COMMD1: variants seen among roughly 807,000 people sequenced by gnomAD.
COMMD1 encodes the protein COMM domain-containing protein 1.
In COMMD1, 10 loss-of-function variants were observed where a neutral mutation model predicts 17.2. The ratio of observed to expected loss-of-function variants is 0.58; its 90% CI spans 0.36 to 0.99. The LOEUF (loss-of-function observed/expected upper bound fraction) is 0.99. Ranked by LOEUF, COMMD1 falls within the 50% of genes least tolerant of loss-of-function variation. COMMD1 has a pLI of 0.01. For synonymous variants in COMMD1, 97 were observed against 91.6 expected (o/e 1.06, Z -0.34); for missense variants, 270 against 231.8 (o/e 1.17, Z -1.07).
chr2:62,123,522 GAAA>G (rs200376990), intron 2 of COMMD1, among the ~76,000 whole-genome samples: 1 of 117,482 alleles, frequency 8.5e-6, no homozygotes, highest in Non-Finnish European at 1.9e-5. Flanking sequence ...TAAAAAAAAA[GAAA>G]AAAAAAAACA....
At chr2:61,927,370 T>G (rs1486781087) in intron 1 of COMMD1, among the ~76,000 whole-genome samples, 3 of 152,196 alleles carry the variant, frequency 2.0e-5, no homozygotes, top group Non-Finnish European at 4.4e-5. Context: ...ATGTGAACTT[T>G]AGCATGGGTG....
chr2:61,909,817 C>T (rs948804794), intron 1 of COMMD1, among the ~76,000 whole-genome samples: 6 of 152,202 alleles, frequency 3.9e-5, no homozygotes, highest in African/African-American at 1.4e-4. Context: ...ACAGCGGACA[C>T]ACGTGTTAAC....
At chr2:61,912,806 T>C (rs1669943728) in intron 1 of COMMD1, among the ~76,000 whole-genome samples, 1 of 152,090 alleles carries the variant, frequency 6.6e-6, no homozygotes, top group African/African-American at 2.4e-5. Context: ...CTGTAGTAGC[T>C]TTAGCCACTC....
chr2:62,045,327 T>C (rs1440913564), intron 2 of COMMD1, among the ~76,000 whole-genome samples: 2 of 152,164 alleles, frequency 1.3e-5, no homozygotes, highest in African/African-American at 4.8e-5. Context: ...ATAGTAGTGA[T>C]GTTATCTGTA....
At chr2:62,085,840 G>A (rs1459572626) in intron 2 of COMMD1, among the ~76,000 whole-genome samples, 2 of 151,976 alleles carry the variant, frequency 1.3e-5, no homozygotes, top group Non-Finnish European at 2.9e-5. Context: ...AATTAGCGGG[G>A]CATGGTGGCG....
chr2:62,119,239 C>G (rs754058738), intron 2 of COMMD1, among the ~76,000 whole-genome samples: 1 of 152,150 alleles, frequency 6.6e-6, no homozygotes, highest in South Asian at 2.1e-4. Context: ...AGAAACCACA[C>G]CTGCTGACAC....
intron 1 of COMMD1, among the ~76,000 whole-genome samples, chr2:61,972,423 C>T (rs1199768913): frequency 6.6e-6 from 1 of 152,152 alleles, no homozygotes. Context: ...GGAGGTGTCG[C>T]ATAACTCTCT....
At chr2:61,959,831 CCAAA>C (rs755977283) in intron 1 of COMMD1, among the ~76,000 whole-genome samples, 1 of 152,188 alleles carries the variant, frequency 6.6e-6, no homozygotes, top group Non-Finnish European at 1.5e-5. Flanking sequence ...CGAGAGCACA[CCAAA>C]CAAAGGAGCC....
chr2:61,892,761 C>A (rs1232198544), intron 1 of COMMD1, among the ~76,000 whole-genome samples: 1 of 151,332 alleles, frequency 6.6e-6, no homozygotes, highest in Non-Finnish European at 1.5e-5. Context: ...AGGTTTTACT[C>A]CAATTCAAAG....
At chr2:62,115,641 C>G (rs1231458225) in intron 2 of COMMD1, among the ~76,000 whole-genome samples, 2 of 152,056 alleles carry the variant, frequency 1.3e-5, no homozygotes, top group African/African-American at 4.8e-5. Context: ...TATTATATAA[C>G]TGTGGCTATG....
rs537724143 is a variant in COMMD1 at position 61,932,151 on chromosome 2, C to T, written c.180+26293C>T. ...CTGGGATTACAGGCCTGAGCCACCGCGTCTGGCCTTTTCTTCCCTCTCTGC... is the reference window on the plus strand; with the variant it reads ...CTGGGATTACAGGCCTGAGCCACCGTGTCTGGCCTTTTCTTCCCTCTCTGC... On this transcript the variant is annotated intron_variant, in intron 1 of 2. Transcript: ENST00000311832. 9.2e-5 allele frequency among the ~76,000 whole-genome samples: 14 copies of T among 152,322 alleles called. No homozygotes were observed. The East Asian group carries it at 1.3e-3, about 15-fold the overall frequency.
At chr2:61,951,459 CAAAAA>C (rs78945501) in intron 1 of COMMD1, among the ~76,000 whole-genome samples, 1 of 98,188 alleles carries the variant, frequency 1.0e-5, no homozygotes, top group Non-Finnish European at 2.2e-5. Context: ...GACTCTGTCT[CAAAAA>C]AAAAAAAAAA....
chr2:62,018,015 C>G (rs1216364133), intron 2 of COMMD1, among the ~76,000 whole-genome samples: 1 of 151,748 alleles, frequency 6.6e-6, no homozygotes, highest in Non-Finnish European at 1.5e-5. Context: ...TACCTCTGCA[C>G]TCCAGCCTGG....
chr2:62,096,615 A>G (rs1672017067), intron 2 of COMMD1, among the ~76,000 whole-genome samples: 1 of 151,896 alleles, frequency 6.6e-6, no homozygotes, highest in Admixed American at 6.6e-5. Flanking sequence ...TTGGAATCCA[A>G]CTCCTGCCTG....
chr2:61,910,420 G>A (rs1450368398), intron 1 of COMMD1, among the ~76,000 whole-genome samples: 2 of 151,936 alleles, frequency 1.3e-5, no homozygotes, highest in Non-Finnish European at 2.9e-5. Context: ...GCTAATTTTT[G>A]TATTTTAGTA....
At chr2:62,000,584 G>A in intron 1 of COMMD1, 117 bp from the exon 2 acceptor site, 1 of 1,009,394 alleles carries the variant, frequency 9.9e-7, no homozygotes, top group African/African-American at 1.6e-5. Flanking sequence ...GAGCCATTGT[G>A]TCTGGGCTAT....
chr2:62,020,637 C>CT (rs1669586261), intron 2 of COMMD1, among the ~76,000 whole-genome samples: 1 of 152,204 alleles, frequency 6.6e-6, no homozygotes, highest in African/African-American at 2.4e-5. Flanking sequence ...CTAAAAATCT[C>CT]TTTGAGATAA....
chr2:62,037,076 C>T (rs780622587), intron 2 of COMMD1, among the ~76,000 whole-genome samples: 1 of 152,164 alleles, frequency 6.6e-6, no homozygotes, highest in Non-Finnish European at 1.5e-5. Context: ...TGCTCTTTAC[C>T]ATTTGCATTT....
At chr2:61,937,755 G>A (rs1285434727) in intron 1 of COMMD1, among the ~76,000 whole-genome samples, 1 of 152,024 alleles carries the variant, frequency 6.6e-6, no homozygotes, top group South Asian at 2.1e-4. Flanking sequence ...AAACATACCC[G>A]TTCTGAAAAA....
Sources: allele counts gnomAD v4.1 joint callset (sites outside exome capture counted in the v4.1 genomes callset), GRCh38; gene constraint gnomAD v4.1.1; transcripts MANE v1.5; gene names NCBI Gene and HGNC (gene_info 2026-07-23, HGNC 2026-07-21).